IL1RAPL2: variants seen among roughly 807,000 people sequenced by gnomAD.
IL1RAPL2 encodes X-linked interleukin-1 receptor accessory protein-like 2.
In IL1RAPL2, 3 loss-of-function variants were observed where a neutral mutation model predicts 44.1. The ratio of observed to expected loss-of-function variants is 0.07; its 90% CI spans 0.03 to 0.18. IL1RAPL2 has a LOEUF of 0.18. Among genes scored for constraint, IL1RAPL2 ranks in the 10% least tolerant of loss-of-function variants. IL1RAPL2 has a pLI of 1.00. For synonymous variants in IL1RAPL2, 181 were observed against 178.8 expected, an observed-to-expected ratio of 1.01 and a Z score of -0.10; for missense variants, 391 against 496.4, an observed-to-expected ratio of 0.79 and a Z score of 2.02.
At chrX:105,128,128 G>A (rs2032992393) in intron 2 of IL1RAPL2, among the ~76,000 whole-genome samples, 1 of 110,755 alleles carries the variant, frequency 9.0e-6, no homozygotes, top group Non-Finnish European at 1.9e-5. Context: ...CAGTGGCTAA[G>A]GAAAGGACAT....
chrX:105,214,444 C>T (rs2033835311), intron 3 of IL1RAPL2, among the ~76,000 whole-genome samples: 1 of 109,355 alleles, frequency 9.1e-6, no homozygotes, highest in African/African-American at 3.3e-5. Context: ...AATATATATG[C>T]ACCCAATATA....
rs143505740 is a variant in IL1RAPL2, at chrX:105,548,053, C to T, written c.772+63666C>T. 9.6e-4 allele frequency among the ~76,000 whole-genome samples: 107 copies of T among 111,661 alleles called. 1 individual carries two copies. Among genetic ancestry groups the T allele is most frequent in the Middle Eastern group, 9.3e-3 (2 of 214 alleles). ...TTCAACTCTGGCTTCTGGTAACTTG[C>T]ATTCATTGGTGACAGTTTTTCATCC... is the stretch of plus-strand genomic sequence containing the variant. On this transcript the variant is annotated intron_variant, in intron 6 of 10. Transcript: ENST00000372582.
chrX:104,977,894 G>A (rs1166728944), intron 2 of IL1RAPL2, among the ~76,000 whole-genome samples: 1 of 112,193 alleles, frequency 8.9e-6, no homozygotes, highest in Non-Finnish European at 1.9e-5. Flanking sequence ...TAAAAGAGGT[G>A]ATATCTTCCA....
intron 1 of IL1RAPL2, among the ~76,000 whole-genome samples, chrX:104,585,169 GTATA>G (rs1236429252): frequency 1.5e-5 from 1 of 64,729 alleles, no homozygotes; most frequent in Admixed American, 2.2e-4. Flanking sequence ...ACACACATAT[GTATA>G]TATACACACA....
At chrX:104,599,891 T>C (rs1329118971) in intron 1 of IL1RAPL2, among the ~76,000 whole-genome samples, 1 of 111,457 alleles carries the variant, frequency 9.0e-6, no homozygotes, top group African/African-American at 3.3e-5. Context: ...ATTTGGCTTT[T>C]TAAATGTTGA....
At chrX:105,497,274 A>G (rs2036362623) in intron 6 of IL1RAPL2, among the ~76,000 whole-genome samples, 1 of 111,012 alleles carries the variant, frequency 9.0e-6, no homozygotes, top group South Asian at 3.8e-4. Flanking sequence ...ACAAATTCGA[A>G]AACCTAGAGG....
At chrX:104,736,687 C>T (rs1290901822) in intron 2 of IL1RAPL2, among the ~76,000 whole-genome samples, 1 of 112,332 alleles carries the variant, frequency 8.9e-6, no homozygotes, top group Non-Finnish European at 1.9e-5. Context: ...TCCAAGGGAG[C>T]TTAACCTCTG....
chrX:104,578,522 C>T (rs193150728), intron 1 of IL1RAPL2, among the ~76,000 whole-genome samples: 7 of 111,402 alleles, frequency 6.3e-5, no homozygotes, highest in African/African-American at 1.3e-4. Flanking sequence ...GCAGAGATCA[C>T]GTGCAGAATG....
chrX:105,433,275 G>C (rs2035860238), intron 5 of IL1RAPL2, among the ~76,000 whole-genome samples: 1 of 110,699 alleles, frequency 9.0e-6, no homozygotes, highest in South Asian at 3.8e-4. Context: ...TATTTAGCTA[G>C]TTCCATTGAT....
intron 2 of IL1RAPL2, among the ~76,000 whole-genome samples, chrX:104,961,684 CTG>C (rs2030010030): frequency 8.9e-6 from 1 of 111,766 alleles, no homozygotes; most frequent in Non-Finnish European, 1.9e-5. Context: ...TATACATTAA[CTG>C]AGATTCCCTA....
intron 2 of IL1RAPL2, among the ~76,000 whole-genome samples, chrX:104,869,191 C>T (rs1452134120): frequency 2.7e-5 from 3 of 110,495 alleles, no homozygotes; most frequent in Non-Finnish European, 3.8e-5. Context: ...CTGTAAATAC[C>T]TTTTACTTTT....
Position 105,614,079 on chromosome X carries a change from C to T in IL1RAPL2, c.773-103288C>T, listed in dbSNP as rs151002095. ...GAAACCAAGAAAGTAATCCCATTTA[C>T]AATAGCAAACAATAAAACTAAATAC... On this transcript the variant is annotated intron_variant, in intron 6 of 10. Coordinates refer to ENST00000372582, the MANE Select transcript of IL1RAPL2 (RefSeq NM_017416.2). Among the ~76,000 whole-genome samples the T allele has an allele frequency of 6.3e-5, 7 of 111,641 alleles. No individual in the cohort carries two copies. In the East Asian group the frequency reaches 1.7e-3, roughly 27 times the overall value.
chrX:105,205,255 G>C (rs2147617045), intron 3 of IL1RAPL2, among the ~76,000 whole-genome samples: 1 of 110,264 alleles, frequency 9.1e-6, no homozygotes, highest in African/African-American at 3.3e-5. Flanking sequence ...TGAATGCCAT[G>C]TGTAAAGGTC....
At position 105,598,610 on chromosome X, in the gene IL1RAPL2, G is replaced by A. The variant is rs747026966; in HGVS notation, c.772+114223G>A. Reference sequence around the variant, plus strand: ...GTAACAAAACTATAAAACACTTATAGCAGTGCCTGGAACATAGTGAATAGT... The same window carrying A: ...GTAACAAAACTATAAAACACTTATAACAGTGCCTGGAACATAGTGAATAGT... On this transcript the variant is annotated intron_variant, in intron 6 of 10. Transcript: ENST00000372582. Among the ~76,000 whole-genome samples, 10 of 110,975 alleles carry A rather than the reference G, an allele frequency of 9.0e-5. No individual in the cohort carries two copies. In the South Asian group the frequency reaches 3.9e-3, roughly 43 times the overall value.
Position 104,660,752 on chromosome X carries a change from C to A in IL1RAPL2, c.82+1757C>A, listed in dbSNP as rs182178261. Among the ~76,000 whole-genome samples, 7 of 106,556 alleles carry A rather than the reference C, an allele frequency of 6.6e-5. No homozygotes were observed. The East Asian group carries it at 2.1e-3, about 32-fold the overall frequency. The allele number at this position is 106,556 out of a possible 115,157, so 92.5% of individuals were successfully genotyped here. ...AGGAGTTTGAGACCAGCCTGGGTAA[C>A]ATGGTGAAACCCTATTTCTACAAAA... On this transcript the variant is annotated intron_variant, in intron 2 of 10. Transcript: ENST00000372582.
intron 5 of IL1RAPL2, chrX:105,407,043 A>G (rs1385669200): frequency 1.2e-6 from 1 of 861,462 alleles, no homozygotes; most frequent in African/African-American, 2.0e-5. Flanking sequence ...AAAGTGTCAG[A>G]TGAGAATTTT....
intron 6 of IL1RAPL2, among the ~76,000 whole-genome samples, chrX:105,549,981 GT>G (rs1437211842): frequency 8.9e-6 from 1 of 111,819 alleles, no homozygotes; most frequent in African/African-American, 3.3e-5. Context: ...GATTCTCTTA[GT>G]TTCCAAAGTT....
chrX:104,740,901 G>A (rs1932091760), intron 2 of IL1RAPL2, among the ~76,000 whole-genome samples: 1 of 110,864 alleles, frequency 9.0e-6, no homozygotes, highest in South Asian at 3.7e-4. Flanking sequence ...GTGACTCTAG[G>A]GTTATTAAAC....
chrX:105,207,264 G>GACTT (rs376138435), intron 3 of IL1RAPL2, among the ~76,000 whole-genome samples: 100 of 111,287 alleles, frequency 9.0e-4, no homozygotes, highest in African/African-American at 3.1e-3. Context: ...TAGGGCTCCT[G>GACTT]ACTTATAACA....
Sources: allele counts gnomAD v4.1 joint callset (sites outside exome capture counted in the v4.1 genomes callset), GRCh38; gene constraint gnomAD v4.1.1; transcripts MANE v1.5; gene names NCBI Gene and HGNC (gene_info 2026-07-23, HGNC 2026-07-21).